The following RSU1 variants were observed in gnomAD, a reference collection of about 807,000 sequenced individuals.
RSU1 encodes Ras suppressor protein 1.
A neutral mutation model predicts 31.1 loss-of-function variants in RSU1; 26 were observed. That is an observed-to-expected ratio of 0.84 (90% CI 0.61 to 1.16). The LOEUF is 1.16. Among genes scored for constraint, RSU1 ranks in the 50% most tolerant of loss-of-function variants. RSU1 has a pLI of 0.00. For missense variants in RSU1, 320 were observed against 339.1 expected (o/e 0.94, Z 0.44); for synonymous variants, 164 against 136.3 (o/e 1.20, Z -1.41).
At chr10:16,679,133 T>G (rs1325591054) in intron 8 of RSU1, among the ~76,000 whole-genome samples, 4 of 152,186 alleles carry the variant, frequency 2.6e-5, no homozygotes, top group Non-Finnish European at 5.9e-5. Flanking sequence ...TTTTATTACC[T>G]ACCACCAAAA....
At chr10:16,756,582 C>A (rs1417127825) in intron 4 of RSU1, among the ~76,000 whole-genome samples, 2 of 152,176 alleles carry the variant, frequency 1.3e-5, no homozygotes, top group African/African-American at 4.8e-5. Flanking sequence ...ATAACATTTT[C>A]TTTTCTCTAG....
intron 7 of RSU1, chr10:16,721,548 T>A (rs1256250267): frequency 6.6e-6 from 1 of 152,296 alleles, no homozygotes; most frequent in African/African-American, 2.4e-5. Flanking sequence ...CTGGGAGGCC[T>A]AAGCCACTTC....
chr10:16,766,210 G>A (rs1274460364), intron 3 of RSU1, among the ~76,000 whole-genome samples: 1 of 152,186 alleles, frequency 6.6e-6, no homozygotes, highest in African/African-American at 2.4e-5. Context: ...CGCGAGCTCC[G>A]GAAGTGGCCG....
chr10:16,628,052 G>A (rs1278542013), intron 8 of RSU1, among the ~76,000 whole-genome samples: 1 of 152,200 alleles, frequency 6.6e-6, no homozygotes, highest in Admixed American at 6.5e-5. Flanking sequence ...CCAGAAGGGA[G>A]AGAGATTTTT....
At chr10:16,614,028 A>G (rs534449714) in intron 8 of RSU1, among the ~76,000 whole-genome samples, 1 of 152,300 alleles carries the variant, frequency 6.6e-6, no homozygotes, top group African/African-American at 2.4e-5. Flanking sequence ...TTAACGCCAG[A>G]AAAATAAAAG....
intron 8 of RSU1, among the ~76,000 whole-genome samples, chr10:16,681,424 AG>A (rs141948361): frequency 0.013 from 1,984 of 152,338 alleles, 44 homozygotes; most frequent in African/African-American, 0.044. Context: ...TGGAATAAAA[AG>A]GTTGATCTGG....
intron 7 of RSU1, among the ~76,000 whole-genome samples, chr10:16,730,362 T>C (rs1836483640): frequency 6.6e-6 from 1 of 152,164 alleles, no homozygotes; most frequent in African/African-American, 2.4e-5. Context: ...GAGCTGTACC[T>C]TGTACTATCC....
At chr10:16,761,472 T>G (rs1373214178) in intron 4 of RSU1, among the ~76,000 whole-genome samples, 1 of 152,128 alleles carries the variant, frequency 6.6e-6, no homozygotes, top group East Asian at 1.9e-4. Context: ...ACCTCTGACC[T>G]GACAGCCGCC....
chr10:16,670,269 GAC>G (rs1835081987), intron 8 of RSU1, among the ~76,000 whole-genome samples: 1 of 152,176 alleles, frequency 6.6e-6, no homozygotes, highest in Non-Finnish European at 1.5e-5. Flanking sequence ...GATAGATTTC[GAC>G]AGTGTTCACT....
At chr10:16,649,044 A>G (rs898153424) in intron 8 of RSU1, among the ~76,000 whole-genome samples, 6 of 152,214 alleles carry the variant, frequency 3.9e-5, no homozygotes, top group Admixed American at 2.6e-4. Context: ...AAATCCATTT[A>G]ACTATTTCCC....
chr10:16,614,778 A>G (rs1455183244), intron 8 of RSU1, among the ~76,000 whole-genome samples: 1 of 152,200 alleles, frequency 6.6e-6, no homozygotes, highest in Non-Finnish European at 1.5e-5. Context: ...TCACTAAGGA[A>G]TAGATCACCA....
At chr10:16,769,596 G>A (rs1399094870) in intron 3 of RSU1, among the ~76,000 whole-genome samples, 2 of 152,212 alleles carry the variant, frequency 1.3e-5, no homozygotes. Context: ...TTCTGATTTA[G>A]CAGGTTTAGG....
intron 2 of RSU1, among the ~76,000 whole-genome samples, chr10:16,809,382 A>G (rs1366937154): frequency 6.6e-6 from 1 of 152,150 alleles, no homozygotes; most frequent in Non-Finnish European, 1.5e-5. Flanking sequence ...TTAAGACTCC[A>G]TCTCTCTACC....
chr10:16,727,221 C>T, intron 7 of RSU1: 2 of 440,802 alleles, frequency 4.5e-6, no homozygotes, highest in South Asian at 3.2e-5. Context: ...TGACGATGTT[C>T]CGCCTGGCTG....
intron 2 of RSU1, among the ~76,000 whole-genome samples, chr10:16,809,469 T>C (rs1355647788): frequency 6.6e-6 from 1 of 152,188 alleles, no homozygotes; most frequent in African/African-American, 2.4e-5. Context: ...AGACGAGCTG[T>C]GTCCAGCCTC....
At chr10:16,815,250 G>T (rs911338879) in intron 2 of RSU1, among the ~76,000 whole-genome samples, 3 of 152,224 alleles carry the variant, frequency 2.0e-5, no homozygotes, top group Non-Finnish European at 2.9e-5. Context: ...AGGCTAACTA[G>T]TACACAACCT....
rs761929384 is a variant in RSU1 at position 16,753,020 on chromosome 10, A to C, written c.401-20T>G. On this transcript the variant is annotated intron_variant, in intron 5 of 8. Coordinates refer to ENST00000345264, the MANE Select transcript of RSU1 (RefSeq NM_012425.4). ...GGGTGGCTGCAAATTAAACAGCAAT[A>C]TATAAACAGGGTGGCATGGAACACA... 6.2e-7 allele frequency: 1 copy of C among 1,600,278 alleles called. No homozygotes were observed. The highest frequency in any genetic ancestry group is 8.6e-7 in the Non-Finnish European group (1 of 1,167,538).
intron 8 of RSU1, among the ~76,000 whole-genome samples, chr10:16,633,651 GA>G (rs1834293399): frequency 6.6e-6 from 1 of 152,198 alleles, no homozygotes; most frequent in Non-Finnish European, 1.5e-5. Context: ...GCAGGGGCCA[GA>G]CGACAACCAG....
chr10:16,620,511 T>C (rs1162680138), intron 8 of RSU1, among the ~76,000 whole-genome samples: 1 of 151,560 alleles, frequency 6.6e-6, no homozygotes, highest in Non-Finnish European at 1.5e-5. Context: ...CAAGACAATC[T>C]TCCATTTTTG....
Sources: allele counts gnomAD v4.1 joint callset (sites outside exome capture counted in the v4.1 genomes callset), GRCh38; gene constraint gnomAD v4.1.1; transcripts MANE v1.5; gene names NCBI Gene and HGNC (gene_info 2026-07-23, HGNC 2026-07-21).